The following TET1 variants were observed in gnomAD, a reference collection of about 807,000 sequenced individuals.
TET1 encodes methylcytosine dioxygenase TET1.
A neutral mutation model predicts 148.7 loss-of-function variants in TET1; 13 were observed. That is an observed-to-expected ratio of 0.09 (90% CI 0.06 to 0.14). TET1 has a LOEUF of 0.14. TET1 is among the 10% of genes least tolerant of loss of function. The pLI is 1.00. For missense variants in TET1, 2,182 were observed against 2,553.8 expected, an observed-to-expected ratio of 0.85 and a Z score of 3.14; for synonymous variants, 907 against 937.2, an observed-to-expected ratio of 0.97 and a Z score of 0.59.
At chr10:68,585,872 G>A (rs1258181775) in intron 2 of TET1, among the ~76,000 whole-genome samples, 1 of 151,914 alleles carries the variant, frequency 6.6e-6, no homozygotes, top group Non-Finnish European at 1.5e-5. Context: ...GCCAGGCATG[G>A]TGGTGTGCGC....
intron 3 of TET1, among the ~76,000 whole-genome samples, chr10:68,635,261 T>A (rs1452747308): frequency 6.6e-6 from 1 of 152,000 alleles, no homozygotes; most frequent in Non-Finnish European, 1.5e-5. Context: ...ATAGGCATTT[T>A]TCCTTTAAAT....
At chr10:68,586,397 C>G (rs1009252138) in intron 2 of TET1, among the ~76,000 whole-genome samples, 1 of 151,652 alleles carries the variant, frequency 6.6e-6, no homozygotes, top group Admixed American at 6.6e-5. Context: ...AGGCTGGTTT[C>G]AAACTCCTGA....
chr10:68,652,957 T>A (rs529678523), intron 6 of TET1, among the ~76,000 whole-genome samples: 25 of 151,714 alleles, frequency 1.6e-4, no homozygotes, highest in Admixed American at 1.2e-3. Context: ...CCAGATTTTT[T>A]AATAGATTTT....
At chr10:68,652,174 A>G (rs2054945877) in intron 5 of TET1, among the ~76,000 whole-genome samples, 1 of 152,224 alleles carries the variant, frequency 6.6e-6, no homozygotes, top group Non-Finnish European at 1.5e-5. Context: ...TGATAAACTC[A>G]GAAGTACTTT....
chr10:68,626,069 G>A (rs1175648736), intron 3 of TET1, among the ~76,000 whole-genome samples: 2 of 121,956 alleles, frequency 1.6e-5, no homozygotes, highest in African/African-American at 6.4e-5. Context: ...GGGCAACAGA[G>A]TAAGAACGAG....
chr10:68,628,002 TA>T (rs937597106), intron 3 of TET1, among the ~76,000 whole-genome samples: 3 of 152,126 alleles, frequency 2.0e-5, no homozygotes, highest in African/African-American at 7.2e-5. Context: ...TTATTACTAT[TA>T]TTATTTTTGG....
intron 11 of TET1, among the ~76,000 whole-genome samples, chr10:68,687,150 G>T (rs1175694874): frequency 2.4e-5 from 1 of 41,258 alleles, no homozygotes; most frequent in Admixed American, 1.8e-4. Flanking sequence ...CCCCGCCCCC[G>T]CCTTGGCCTC....
intron 8 of TET1, among the ~76,000 whole-genome samples, chr10:68,677,478 A>G (rs553107501): frequency 5.3e-5 from 8 of 152,338 alleles, no homozygotes; most frequent in African/African-American, 1.4e-4. Flanking sequence ...TAAATGTCCA[A>G]TATTGTCACT....
At chr10:68,594,980 CAAA>C (rs71019034) in intron 2 of TET1, among the ~76,000 whole-genome samples, 13 of 108,826 alleles carry the variant, frequency 1.2e-4, no homozygotes, top group Non-Finnish European at 1.7e-4. Context: ...GACACCATCT[CAAA>C]AAAAAAAAAA....
chr10:68,629,297 A>G (rs1023051124), intron 3 of TET1, among the ~76,000 whole-genome samples: 2 of 151,958 alleles, frequency 1.3e-5, no homozygotes, highest in East Asian at 3.9e-4. Context: ...CTTGAGAGAC[A>G]GAGGTTGCAG....
chr10:68,564,063 G>A (rs2053581957), intron 1 of TET1, among the ~76,000 whole-genome samples: 1 of 151,934 alleles, frequency 6.6e-6, no homozygotes, highest in Non-Finnish European at 1.5e-5. Flanking sequence ...AAGTTAGTTG[G>A]GTTATTATCT....
intron 3 of TET1, among the ~76,000 whole-genome samples, chr10:68,631,680 C>T (rs956994227): frequency 4.6e-5 from 7 of 152,186 alleles, no homozygotes; most frequent in African/African-American, 1.4e-4. Flanking sequence ...GCTGATTTTT[C>T]TCTTAGGAAT....
intron 3 of TET1, among the ~76,000 whole-genome samples, chr10:68,638,944 C>T (rs895087870): frequency 1.3e-5 from 2 of 151,758 alleles, no homozygotes; most frequent in Admixed American, 6.6e-5. Context: ...ATGGAGAGGG[C>T]GTAGGAACTA....
rs74925160 is a variant in TET1 at position 68,645,224 on chromosome 10, G to A, written c.2495G>A (p.Cys832Tyr). The change falls in exon 4 of 12, where the codon TGC becomes TAC. Residue 832 changes from cysteine to tyrosine, a missense_variant. Coordinates refer to ENST00000373644, the MANE Select transcript of TET1 (RefSeq NM_030625.3). ...GTATTCCAGCAGCCTGGCTTTAACT[G>A]CAGTTCCATTCCACATTCTTCACAC... is the stretch of plus-strand genomic sequence containing the variant. ...VLVFQQPGFN[C>Y]SSIPHSSHSI... The A allele has an allele frequency of 3.8e-3, 6,184 of 1,614,032 alleles. 214 individuals are homozygous for A. In the African/African-American group the frequency reaches 0.072, roughly 19 times the overall value.
Position 68,691,757 on chromosome 10 carries a change from C to G in TET1, c.6354C>G (p.Val2118=). 1 of 1,613,962 alleles carries G rather than the reference C, an allele frequency of 6.2e-7. No homozygotes were observed. Among genetic ancestry groups the G allele is most frequent in the Non-Finnish European group, 8.5e-7 (1 of 1,180,042 alleles). ...KALTLTHDNV[V]TVSPYALTHV... is the part of the protein sequence containing the mutation. ...TAACATTAACCCATGACAATGTTGTCACCGTGTCCCCTTATGCTCTCACAC... is the reference window on the plus strand; with the variant it reads ...TAACATTAACCCATGACAATGTTGTGACCGTGTCCCCTTATGCTCTCACAC... The change falls in exon 12 of 12, where the codon GTC becomes GTG. Residue 2118 remains valine (V), a synonymous_variant. Coordinates refer to ENST00000373644, the MANE Select transcript of TET1 (RefSeq NM_030625.3). This position sits in a 1 kb window ranked among gnomAD's most constrained non-coding sequence, Gnocchi z 4.4.
intron 2 of TET1, among the ~76,000 whole-genome samples, chr10:68,576,276 C>T (rs7096497): frequency 2.0e-5 from 3 of 150,414 alleles, no homozygotes; most frequent in South Asian, 4.2e-4. Context: ...ACTTGAACCT[C>T]GGAAGCAGAA....
chr10:68,565,950 G>C (rs2053603567), intron 1 of TET1, among the ~76,000 whole-genome samples: 1 of 152,104 alleles, frequency 6.6e-6, no homozygotes, highest in Non-Finnish European at 1.5e-5. Context: ...CATTTAAAGA[G>C]GCCACATCTT....
At chr10:68,629,135 TG>T (rs917823037) in intron 3 of TET1, among the ~76,000 whole-genome samples, 1 of 151,892 alleles carries the variant, frequency 6.6e-6, no homozygotes, top group African/African-American at 2.4e-5. Flanking sequence ...AAGCCTGAGG[TG>T]GGGGGGTCAC....
rs190640635 is a variant in TET1, at chr10:68,669,640, C to A, written c.4673+2384C>A. 1.9e-3 allele frequency among the ~76,000 whole-genome samples: 282 copies of A among 151,664 alleles called. 3 individuals are homozygous for A. Among genetic ancestry groups the A allele is most frequent in the Middle Eastern group, 6.8e-3 (2 of 294 alleles). On this transcript the variant is annotated intron_variant, in intron 7 of 11. Coordinates refer to ENST00000373644, the MANE Select transcript of TET1 (RefSeq NM_030625.3). ...AAGTGCTGGGATTACAGGCGTGAGC[C>A]ACCACGTCCAGCCCAGTGAACTCTT... is the stretch of plus-strand genomic sequence containing the variant.
Sources: gnomAD v4.1 joint callset for allele counts (sites outside exome capture counted in the v4.1 genomes callset) on GRCh38, gnomAD v4.1.1 for gene constraint, Gnocchi (gnomAD v3.1) non-coding constraint, MANE v1.5 for transcripts, NCBI Gene and HGNC (gene_info 2026-07-23, HGNC 2026-07-21) for gene names.